The following ZNHIT3 variants were observed in gnomAD, a reference collection of about 807,000 sequenced individuals.
ZNHIT3 encodes the protein zinc finger HIT-type containing 3, also known as zinc finger HIT domain-containing protein 3.
A neutral mutation model predicts 19.9 loss-of-function variants in ZNHIT3; 27 were observed. That is an observed-to-expected ratio of 1.36 (90% confidence interval 1.00 to 1.87). ZNHIT3 has a LOEUF of 1.87. Among genes scored for constraint, ZNHIT3 ranks in the 40% most tolerant of loss-of-function variants. The probability of loss-of-function intolerance (pLI) is 0.00; values close to 1 mark genes in which losing one functional copy is unlikely to be tolerated. For synonymous variants in ZNHIT3, 81 were observed against 65.7 expected (o/e 1.23, Z -1.13); for missense variants, 215 against 185.6 (o/e 1.16, Z -0.92).
At chr17:36,488,889 A>C (rs150216011) in intron 2 of ZNHIT3, among the ~76,000 whole-genome samples, 1 of 152,340 alleles carries the variant, frequency 6.6e-6, no homozygotes, top group African/African-American at 2.4e-5. Context: ...GGTCACACTA[A>C]GGTACTGTGT....
Position 36,495,506 on chromosome 17 carries a change from A to G in ZNHIT3, c.*102A>G. ...GTTTGGGGCTGGGGAGCTCAGGCAA[A>G]AGAGGTTTCCAGGATGCAGATTAGG... On this transcript the variant is annotated 3_prime_UTR_variant, in exon 5 of 5. Coordinates refer to ENST00000617429, the MANE Select transcript of ZNHIT3 (RefSeq NM_004773.4). 4.3e-6 allele frequency: 6 copies of G among 1,405,936 alleles called. No individual in the cohort carries two copies. Among genetic ancestry groups the G allele is most frequent in the Admixed American group, 6.6e-5 (2 of 30,382 alleles). The allele number at this position is 1,405,936 out of a possible 1,614,324, so 87.1% of individuals were successfully genotyped here. A position where few individuals can be genotyped will look rare whatever the true frequency, so the allele number is the denominator to read the frequency against.
At chr17:36,498,838 A>G (rs1027478302), downstream of ZNHIT3, 21 of 592,506 alleles carry the variant, frequency 3.5e-5, no homozygotes, top group African/African-American at 3.9e-4. Flanking sequence ...TAAAGTGTAC[A>G]TCCCAGAGTT....
At chr17:36,487,706 G>T (rs1401859084) in intron 2 of ZNHIT3, among the ~76,000 whole-genome samples, 1 of 151,906 alleles carries the variant, frequency 6.6e-6, no homozygotes, top group Non-Finnish European at 1.5e-5. Context: ...CAGGAGAATC[G>T]CTTGAACCCG....
downstream of ZNHIT3, chr17:36,498,276 G>GCGA: frequency 6.2e-7 from 1 of 1,611,474 alleles, no homozygotes. Flanking sequence ...CTGAGGCAGC[G>GCGA]CTCGGATGGA....
At chr17:36,492,556 T>G in intron 2 of ZNHIT3, 1 of 482,414 alleles carries the variant, frequency 2.1e-6, no homozygotes. Flanking sequence ...GGTGAGAATT[T>G]TGTAAGATTC....
downstream of ZNHIT3, chr17:36,498,575 T>C (rs2071216256): frequency 1.9e-6 from 3 of 1,601,736 alleles, no homozygotes; most frequent in East Asian, 2.2e-5. Flanking sequence ...AAAGCAAATA[T>C]CCCTTTATAG....
chr17:36,497,390 A>G (rs575279547), downstream of ZNHIT3, among the ~76,000 whole-genome samples: 2 of 151,890 alleles, frequency 1.3e-5, no homozygotes, highest in African/African-American at 4.8e-5. Flanking sequence ...CCAGAAAAGG[A>G]AAAAACCAAG....
At chr17:36,487,611 T>G (rs2070605575) in intron 2 of ZNHIT3, among the ~76,000 whole-genome samples, 1 of 151,242 alleles carries the variant, frequency 6.6e-6, no homozygotes, top group Admixed American at 6.6e-5. Context: ...CTGGCCAACA[T>G]GGTGAAACTC....
chr17:36,498,233 A>G (rs751416934), downstream of ZNHIT3: 7 of 1,589,208 alleles, frequency 4.4e-6, no homozygotes, highest in South Asian at 7.8e-5. Flanking sequence ...GTTCTCAGGA[A>G]CAAAGCTGTC....
chr17:36,497,381 CAGAAAAGGAAAAAACCA>C (rs1469317982), downstream of ZNHIT3, among the ~76,000 whole-genome samples: 1 of 151,232 alleles, frequency 6.6e-6, no homozygotes, highest in Non-Finnish European at 1.5e-5. Flanking sequence ...TTTCGTCAGC[CAGAAAAGGAAAAAACCA>C]AGCAATACAA....
chr17:36,496,005 C>T, downstream of ZNHIT3: 1 of 784,946 alleles, frequency 1.3e-6, no homozygotes, highest in Non-Finnish European at 1.8e-6. Context: ...TGAAATGTGG[C>T]CCTGATGTTT....
chr17:36,492,793 G>A lies in ZNHIT3; in HGVS notation c.119-20G>A, dbSNP rs1381828919. 1.2e-6 allele frequency: 2 copies of A among 1,611,282 alleles called. No individual in the cohort carries two copies. Among genetic ancestry groups the A allele is most frequent in the African/African-American group, 2.7e-5 (2 of 74,768 alleles). ...GCTGAAATGGAGGTAATGTGGGCCT[G>A]GGATTTGTGTCTTTTTCAGAACAGT... On this transcript the variant is annotated intron_variant, in intron 2 of 4. Coordinates refer to ENST00000617429, the MANE Select transcript of ZNHIT3 (RefSeq NM_004773.4).
downstream of ZNHIT3, chr17:36,498,410 G>T (rs1318768588): frequency 2.7e-5 from 44 of 1,613,884 alleles, no homozygotes; most frequent in Non-Finnish European, 3.5e-5. Flanking sequence ...TAGCCGTATT[G>T]GCCAGGACCA....
intron 3 of ZNHIT3, 35 bp from the exon 4 acceptor site, chr17:36,493,891 T>C (rs1297997557): frequency 6.6e-7 from 1 of 1,509,666 alleles, no homozygotes; most frequent in Non-Finnish European, 9.2e-7. Flanking sequence ...GCCTCCTTTT[T>C]AGCCATGAGC....
At chr17:36,499,108 G>A, downstream of ZNHIT3, 1 of 1,610,876 alleles carries the variant, frequency 6.2e-7, no homozygotes, top group Non-Finnish European at 8.5e-7. Context: ...TGATGACTGT[G>A]GCAGCTGCAT....
At chr17:36,492,926 T>A (rs755882113) in intron 3 of ZNHIT3, 27 bp downstream of exon 3, 1 of 1,599,682 alleles carries the variant, frequency 6.3e-7, no homozygotes, top group Non-Finnish European at 8.6e-7. Context: ...CAAACAAATC[T>A]ACAAGGGACT....
chr17:36,493,871 T>G, intron 3 of ZNHIT3, 55 bp from the exon 4 acceptor site: 1 of 1,259,640 alleles, frequency 7.9e-7, no homozygotes, highest in Non-Finnish European at 1.2e-6. Context: ...GGTTAAAATC[T>G]GGTGCCCAGG....
chr17:36,498,499 G>C, downstream of ZNHIT3: 1 of 1,614,064 alleles, frequency 6.2e-7, no homozygotes. Context: ...CAGGGAGCTT[G>C]AGAGAAGTGT....
chr17:36,487,012 G>GC (rs2142508807), intron 2 of ZNHIT3, 46 bp downstream of exon 2: 1 of 1,603,610 alleles, frequency 6.2e-7, no homozygotes, highest in East Asian at 2.3e-5. Context: ...GCACGGGGCA[G>GC]CCCCCACGTC....
Sources: allele counts gnomAD v4.1 joint callset (sites outside exome capture counted in the v4.1 genomes callset), GRCh38; gene constraint gnomAD v4.1.1; transcripts MANE v1.5; gene names NCBI Gene and HGNC (gene_info 2026-07-23, HGNC 2026-07-21).